ADK: variants seen among roughly 807,000 people sequenced by gnomAD.
ADK encodes N6,N6-dimethyladenosine kinase.
Under a neutral mutation model 44.7 loss-of-function variants are expected in ADK, and 24 were observed. The ratio of observed to expected loss-of-function variants is 0.54; its 90% confidence interval spans 0.39 to 0.76. The LOEUF (loss-of-function observed/expected upper bound fraction) is 0.76, where lower values mean the gene tolerates loss of function less well. Among genes scored for constraint, ADK ranks in the 30% least tolerant of loss-of-function variants. The pLI, the probability that ADK is intolerant of heterozygous loss-of-function variation, is 0.00. For synonymous variants in ADK, 128 were observed against 142.6 expected, an observed-to-expected ratio of 0.90 and a Z score of 0.73; for missense variants, 321 against 425.1, an observed-to-expected ratio of 0.76 and a Z score of 2.15.
intron 7 of ADK, among the ~76,000 whole-genome samples, chr10:74,556,959 A>G (rs963347614): frequency 6.6e-6 from 1 of 152,214 alleles, no homozygotes; most frequent in Admixed American, 6.5e-5. Context: ...GACTCTTACC[A>G]GATACTTATT....
intron 6 of ADK, among the ~76,000 whole-genome samples, chr10:74,512,402 CTTTTT>C (rs36119808): frequency 1.0e-4 from 13 of 128,540 alleles, no homozygotes; most frequent in African/African-American, 3.5e-4. Context: ...CAGTTCTGGA[CTTTTT>C]TTTTTTTTTT....
intron 7 of ADK, among the ~76,000 whole-genome samples, chr10:74,545,657 T>G (rs1849797712): frequency 1.3e-5 from 2 of 152,166 alleles, no homozygotes; most frequent in South Asian, 4.1e-4. Flanking sequence ...TCTCATAGGG[T>G]TTGTGTTAGA....
At chr10:74,333,198 T>C (rs1325626669) in intron 4 of ADK, among the ~76,000 whole-genome samples, 1 of 152,086 alleles carries the variant, frequency 6.6e-6, no homozygotes, top group Non-Finnish European at 1.5e-5. Flanking sequence ...ACACAAGAAA[T>C]TTAAATTTGT....
chr10:74,555,224 TGCTCCCACTTGA>T (rs1850195502), intron 7 of ADK, among the ~76,000 whole-genome samples: 1 of 152,226 alleles, frequency 6.6e-6, no homozygotes, highest in Admixed American at 6.5e-5. Context: ...CATGCCACTG[TGCTCCCACTTGA>T]GCAACAGAGC....
chr10:74,341,141 T>C (rs1435054175), intron 4 of ADK, among the ~76,000 whole-genome samples: 1 of 152,166 alleles, frequency 6.6e-6, no homozygotes, highest in Non-Finnish European at 1.5e-5. Context: ...TATACTATAA[T>C]AAGTATATTC....
chr10:74,234,336 G>A (rs932787337), intron 3 of ADK, among the ~76,000 whole-genome samples: 2 of 152,198 alleles, frequency 1.3e-5, no homozygotes, highest in African/African-American at 4.8e-5. Context: ...CTGTGAAGCA[G>A]ATATTGTAAT....
At chr10:74,321,998 G>C (rs1381919787) in intron 4 of ADK, among the ~76,000 whole-genome samples, 1 of 152,100 alleles carries the variant, frequency 6.6e-6, no homozygotes, top group African/African-American at 2.4e-5. Flanking sequence ...TTGAGTTACA[G>C]TATTTAGAAG....
chr10:74,608,887 T>G (rs1852437390), intron 9 of ADK, among the ~76,000 whole-genome samples: 1 of 152,144 alleles, frequency 6.6e-6, no homozygotes, highest in Admixed American at 6.5e-5. Flanking sequence ...AGCCCCTGAC[T>G]GGGGCTGCTG....
intron 7 of ADK, among the ~76,000 whole-genome samples, chr10:74,579,003 G>A (rs941093513): frequency 2.0e-5 from 3 of 152,120 alleles, no homozygotes; most frequent in Admixed American, 1.3e-4. Context: ...GGAGGCCGAG[G>A]CAGGTGGATC....
chr10:74,153,510 C>T (rs1841669754), intron 1 of ADK, among the ~76,000 whole-genome samples: 2 of 152,182 alleles, frequency 1.3e-5, no homozygotes, highest in African/African-American at 2.4e-5. Context: ...CAGCATATAA[C>T]AGTTGCTTAT....
At chr10:74,633,036 A>G (rs948839455) in intron 9 of ADK, among the ~76,000 whole-genome samples, 7 of 152,234 alleles carry the variant, frequency 4.6e-5, no homozygotes, top group Non-Finnish European at 1.0e-4. Flanking sequence ...TTATTAATAT[A>G]TACATAAGAT....
chr10:74,204,166 A>G (rs1482814066), intron 2 of ADK, among the ~76,000 whole-genome samples: 1 of 151,902 alleles, frequency 6.6e-6, no homozygotes, highest in Admixed American at 6.6e-5. Flanking sequence ...CATGTTGGTC[A>G]GGCTTGTCTC....
At chr10:74,648,099 T>C (rs533685157) in intron 9 of ADK, among the ~76,000 whole-genome samples, 2 of 152,114 alleles carry the variant, frequency 1.3e-5, no homozygotes, top group East Asian at 1.9e-4. Flanking sequence ...TATATATATA[T>C]ACACATACAT....
At chr10:74,363,307 A>C (rs1465362378) in intron 4 of ADK, among the ~76,000 whole-genome samples, 1 of 152,008 alleles carries the variant, frequency 6.6e-6, no homozygotes, top group Non-Finnish European at 1.5e-5. Flanking sequence ...TGTGGGACAG[A>C]GGATTGAGAG....
At chr10:74,427,300 G>A (rs1016684662) in intron 6 of ADK, among the ~76,000 whole-genome samples, 2 of 152,104 alleles carry the variant, frequency 1.3e-5, no homozygotes, top group Admixed American at 6.6e-5. Context: ...CTGGGTTCAC[G>A]CCATTCTCCT....
chr10:74,546,895 A>T (rs893663347), intron 7 of ADK, among the ~76,000 whole-genome samples: 1 of 152,186 alleles, frequency 6.6e-6, no homozygotes, highest in Non-Finnish European at 1.5e-5. Flanking sequence ...CTAACAATGC[A>T]TGCTCATTGT....
intron 10 of ADK, among the ~76,000 whole-genome samples, chr10:74,685,971 GT>G (rs1056642224): frequency 1.3e-5 from 2 of 151,438 alleles, no homozygotes; most frequent in Admixed American, 1.3e-4. Context: ...GTTTGTTTTG[GT>G]TTTTTTTGAG....
intron 3 of ADK, among the ~76,000 whole-genome samples, chr10:74,273,123 G>A (rs1183837723): frequency 6.6e-6 from 1 of 152,008 alleles, no homozygotes; most frequent in East Asian, 1.9e-4. Context: ...CCAGTTGTGG[G>A]GAGGTCAGTC....
chr10:74,539,631 G>T (rs981807516), intron 7 of ADK, among the ~76,000 whole-genome samples: 1 of 151,876 alleles, frequency 6.6e-6, no homozygotes, highest in Non-Finnish European at 1.5e-5. Flanking sequence ...AAAATGTAAG[G>T]TTGTTATAAA....
Sources: gnomAD v4.1 joint callset for allele counts (sites outside exome capture counted in the v4.1 genomes callset) on GRCh38, gnomAD v4.1.1 for gene constraint, MANE v1.5 for transcripts, NCBI Gene and HGNC (gene_info 2026-07-23, HGNC 2026-07-21) for gene names.